AHCTF1: variants seen among roughly 807,000 people sequenced by gnomAD.
The protein encoded by AHCTF1 is protein ELYS.
In AHCTF1, 24 loss-of-function variants were observed where a neutral mutation model predicts 248.4. That is an observed-to-expected ratio of 0.10 (90% CI 0.07 to 0.14). The LOEUF is 0.14. AHCTF1 is among the 10% of genes least tolerant of loss of function. AHCTF1 has a pLI of 1.00. For missense variants in AHCTF1, 2,206 were observed against 2,636.2 expected (o/e 0.84, Z 3.57); for synonymous variants, 786 against 929.8 (o/e 0.85, Z 2.81).
chr1:246,895,749 T>C, intron 13 of AHCTF1, 86 bp downstream of exon 13: 1 of 1,160,374 alleles, frequency 8.6e-7, no homozygotes, highest in Non-Finnish European at 1.2e-6. Context: ...TATATCAAAA[T>C]TAAAATAACT....
chr1:246,931,012 G>C (rs1020774091), intron 1 of AHCTF1: 3 of 1,368,632 alleles, frequency 2.2e-6, no homozygotes, highest in Non-Finnish European at 2.9e-6. Flanking sequence ...GAAAAAGGAA[G>C]GCAAAGCACC....
At chr1:246,880,508 G>A (rs925618483) in intron 21 of AHCTF1, among the ~76,000 whole-genome samples, 1 of 148,670 alleles carries the variant, frequency 6.7e-6, no homozygotes, top group South Asian at 2.1e-4. Context: ...AGGTTACAGT[G>A]AGCCGAGATC....
At chr1:246,858,799 CAAAAAAA>C (rs112857397) in intron 29 of AHCTF1, among the ~76,000 whole-genome samples, 1 of 130,180 alleles carries the variant, frequency 7.7e-6, no homozygotes, top group African/African-American at 2.9e-5. Flanking sequence ...AACTCTGTCT[CAAAAAAA>C]AAAAAAAATA....
intron 10 of AHCTF1, among the ~76,000 whole-genome samples, 159 bp from the exon 11 acceptor site, chr1:246,899,671 G>A (rs183923158): frequency 6.6e-6 from 1 of 151,830 alleles, no homozygotes; most frequent in East Asian, 1.9e-4. Flanking sequence ...CCTAAGAATA[G>A]ATAACAAACC....
intron 12 of AHCTF1, among the ~76,000 whole-genome samples, chr1:246,896,334 TAAAC>T (rs1057361775): frequency 1.3e-5 from 2 of 152,188 alleles, no homozygotes; most frequent in African/African-American, 4.8e-5. Context: ...TAATTGTAGA[TAAAC>T]AAATTATGGT....
intron 19 of AHCTF1, 82 bp from the exon 20 acceptor site, chr1:246,887,439 T>G (rs1384839724): frequency 7.3e-7 from 1 of 1,376,074 alleles, no homozygotes; most frequent in Non-Finnish European, 9.9e-7. Context: ...AGCAACAAAA[T>G]GTAGCATTAA....
intron 1 of AHCTF1, among the ~76,000 whole-genome samples, chr1:246,923,978 G>GA (rs1460422834): frequency 1.3e-5 from 2 of 152,152 alleles, no homozygotes; most frequent in African/African-American, 2.4e-5. Context: ...GGAGAAAGGT[G>GA]AAGGCCCAAA....
chr1:246,898,621 A>AACACAC (rs74163703), intron 11 of AHCTF1, among the ~76,000 whole-genome samples: 1,508 of 147,070 alleles, frequency 0.01, 10 homozygotes, highest in East Asian at 0.018. Context: ...ATCTTGACAA[A>AACACAC]ACACACACAC....
Position 246,931,604 on chromosome 1 carries a change from C to G in AHCTF1, c.-34G>C, listed in dbSNP as rs1364997930. 6.0e-6 allele frequency: 1 copy of G among 167,416 alleles called. No homozygotes were observed. Among genetic ancestry groups the G allele is most frequent in the Non-Finnish European group, 1.2e-5 (1 of 81,760 alleles). The allele number at this position is 167,416 out of a possible 1,614,324, so 10.4% of individuals were successfully genotyped here. On this transcript the variant is annotated 5_prime_UTR_variant, in exon 1 of 36. Coordinates refer to ENST00000648844, the MANE Select transcript of AHCTF1 (RefSeq NM_001323342.2). ...TGAACGGGGCGGGTGAGCGCGCCGCCGCGGGCCGAGTCCACCGGGTCGCCA... is the reference window on the plus strand; with the variant it reads ...TGAACGGGGCGGGTGAGCGCGCCGCGGCGGGCCGAGTCCACCGGGTCGCCA...
At chr1:246,863,296 G>A (rs1661710585) in intron 27 of AHCTF1, among the ~76,000 whole-genome samples, 1 of 151,986 alleles carries the variant, frequency 6.6e-6, no homozygotes, top group Non-Finnish European at 1.5e-5. Flanking sequence ...AGGGACAATG[G>A]GGAGGGGTGA....
rs1665067331 is a variant in AHCTF1 at position 246,902,398 on chromosome 1, T to A, written c.1117+127A>T. 4 of 1,173,726 alleles carry A rather than the reference T, an allele frequency of 3.4e-6. No homozygotes were observed. In the East Asian group the frequency reaches 9.5e-5, roughly 28 times the overall value. 72.7% of individuals were successfully genotyped at this position (1,173,726 alleles called of 1,614,324 possible). A position where few individuals can be genotyped will look rare whatever the true frequency, so the allele number is the denominator to read the frequency against. Reference sequence around the variant, plus strand: ...AAATATCTAGTATCTCATATAGAACTGAATAAATTCCGTTAATTACTATTC... The same window carrying A: ...AAATATCTAGTATCTCATATAGAACAGAATAAATTCCGTTAATTACTATTC... On this transcript the variant is annotated intron_variant, in intron 8 of 35. Transcript: ENST00000648844.
chr1:246,912,951 G>A (rs1665910639), intron 4 of AHCTF1, among the ~76,000 whole-genome samples: 2 of 152,238 alleles, frequency 1.3e-5, no homozygotes, highest in South Asian at 4.1e-4. Context: ...ATTCAGGTAT[G>A]TAAATGAAAA....
chr1:246,867,906 C>T, intron 24 of AHCTF1, 95 bp from the exon 25 acceptor site: 1 of 328,146 alleles, frequency 3.0e-6, no homozygotes, highest in Non-Finnish European at 4.6e-6. Context: ...CCCCCCCACA[C>T]ACACACACAC....
At chr1:246,887,446 T>C in intron 19 of AHCTF1, 89 bp from the exon 20 acceptor site, 1 of 1,319,022 alleles carries the variant, frequency 7.6e-7, no homozygotes, top group African/African-American at 1.5e-5. Flanking sequence ...AAATGTAGCA[T>C]TAAAAGAGAC....
chr1:246,860,128 G>A (rs957670871), intron 29 of AHCTF1, among the ~76,000 whole-genome samples: 1 of 151,800 alleles, frequency 6.6e-6, no homozygotes, highest in African/African-American at 2.4e-5. Flanking sequence ...GTCATGGTGG[G>A]GGGCGACTAT....
At chr1:246,923,815 T>C (rs1666746804) in intron 1 of AHCTF1, among the ~76,000 whole-genome samples, 1 of 152,084 alleles carries the variant, frequency 6.6e-6, no homozygotes, top group Non-Finnish European at 1.5e-5. Context: ...ATCCAGAGAA[T>C]TCTAACATCC....
intron 2 of AHCTF1, among the ~76,000 whole-genome samples, chr1:246,916,910 T>C (rs1003342174): frequency 1.3e-5 from 2 of 152,158 alleles, no homozygotes; most frequent in Admixed American, 1.3e-4. Flanking sequence ...ATAGAACATA[T>C]TATTCTATCC....
intron 21 of AHCTF1, among the ~76,000 whole-genome samples, chr1:246,884,079 T>G (rs182792508): frequency 1.1e-4 from 17 of 152,258 alleles, no homozygotes; most frequent in Admixed American, 8.5e-4. Context: ...AAAAAAAAAT[T>G]TATATGCTGG....
At chr1:246,874,510 TC>T (rs1662805498) in intron 24 of AHCTF1, among the ~76,000 whole-genome samples, 1 of 152,158 alleles carries the variant, frequency 6.6e-6, no homozygotes, top group Non-Finnish European at 1.5e-5. Flanking sequence ...GGGTGGTGGC[TC>T]ATTTTTCTAA....
Sources: allele counts gnomAD v4.1 joint callset (sites outside exome capture counted in the v4.1 genomes callset), GRCh38; gene constraint gnomAD v4.1.1; transcripts MANE v1.5; gene names NCBI Gene and HGNC (gene_info 2026-07-23, HGNC 2026-07-21).